Variants in POU6F2 observed in about 807,000 individuals in gnomAD.
POU6F2 encodes POU domain, class 6, transcription factor 2.
A neutral mutation model predicts 71.3 loss-of-function variants in POU6F2; 31 were observed. The ratio of observed to expected loss-of-function variants is 0.43; its 90% CI spans 0.33 to 0.59. The LOEUF is 0.59. POU6F2 is among the 20% of genes least tolerant of loss of function. The pLI, the probability that POU6F2 is intolerant of heterozygous loss-of-function variation, is 0.04. For synonymous variants in POU6F2, 347 were observed against 355.7 expected, an observed-to-expected ratio of 0.98 and a Z score of 0.27; for missense variants, 783 against 856.8, an observed-to-expected ratio of 0.91 and a Z score of 1.07.
At chr7:39,109,073 TCTCA>T (rs1791750916) in intron 2 of POU6F2, among the ~76,000 whole-genome samples, 2 of 152,180 alleles carry the variant, frequency 1.3e-5, no homozygotes, top group South Asian at 4.1e-4. Flanking sequence ...TGAAACAGGG[TCTCA>T]CTCTGTCACA....
intron 4 of POU6F2, among the ~76,000 whole-genome samples, chr7:39,255,684 G>A (rs1223122452): frequency 6.6e-6 from 1 of 152,336 alleles, no homozygotes; most frequent in African/African-American, 2.4e-5. Context: ...GTCATCATAA[G>A]CCGTCTAACT....
intron 4 of POU6F2, among the ~76,000 whole-genome samples, chr7:39,212,201 C>G (rs913914853): frequency 6.6e-6 from 1 of 152,164 alleles, no homozygotes; most frequent in East Asian, 1.9e-4. Flanking sequence ...TGGTATGGAA[C>G]ATGGACAAGC....
chr7:39,185,903 A>ATATATG lies in POU6F2; in HGVS notation c.278-18314_278-18309dup, dbSNP rs143001733. On this transcript the variant is annotated intron_variant, in intron 2 of 9. Coordinates refer to ENST00000518318, the MANE Select transcript of POU6F2 (RefSeq NM_001370959.1). ...TGTATATATTTATATGTATATGTAT[A>ATATATG]TATATGTATATGTATATGTATATTT... Among the ~76,000 whole-genome samples the ATATATG allele has an allele frequency of 8.6e-3, 1,280 of 149,280 alleles. 13 individuals carry two copies. The highest frequency in any genetic ancestry group is 0.03 in the African/African-American group (1,224 of 40,778).
intron 5 of POU6F2, among the ~76,000 whole-genome samples, chr7:39,353,662 A>G (rs1382339827): frequency 1.3e-5 from 2 of 152,316 alleles, no homozygotes; most frequent in East Asian, 1.9e-4. Flanking sequence ...TTTTGAGAGA[A>G]TGACTAAGCA....
At chr7:39,193,528 C>T (rs902750825) in intron 2 of POU6F2, among the ~76,000 whole-genome samples, 1 of 152,078 alleles carries the variant, frequency 6.6e-6, no homozygotes, top group Non-Finnish European at 1.5e-5. Flanking sequence ...CATTCAGATC[C>T]CAACTCTATC....
intron 1 of POU6F2, chr7:39,013,569 A>T (rs1789389712): frequency 6.6e-6 from 1 of 152,276 alleles, no homozygotes; most frequent in African/African-American, 2.4e-5. Flanking sequence ...GGTACTTTTT[A>T]AAAATGGGGT....
chr7:39,231,941 G>A (rs1003528769), intron 4 of POU6F2, among the ~76,000 whole-genome samples: 1 of 152,166 alleles, frequency 6.6e-6, no homozygotes, highest in Non-Finnish European at 1.5e-5. Flanking sequence ...TCTAATCCCA[G>A]AGCCCCTGTC....
chr7:39,296,998 C>T (rs970776149), intron 4 of POU6F2, among the ~76,000 whole-genome samples: 3 of 152,064 alleles, frequency 2.0e-5, no homozygotes, highest in Non-Finnish European at 2.9e-5. Flanking sequence ...ATGTACAGCC[C>T]GGAGAGCTTT....
At chr7:39,410,718 G>A (rs1400347223) in intron 6 of POU6F2, among the ~76,000 whole-genome samples, 1 of 152,108 alleles carries the variant, frequency 6.6e-6, no homozygotes, top group African/African-American at 2.4e-5. Context: ...GCCTACCACA[G>A]TGCCTGAGTA....
intron 5 of POU6F2, among the ~76,000 whole-genome samples, chr7:39,390,550 G>A (rs1787047347): frequency 6.6e-6 from 1 of 152,186 alleles, no homozygotes; most frequent in Non-Finnish European, 1.5e-5. Flanking sequence ...GCACCAAAAG[G>A]AATGTTTTCC....
chr7:39,270,529 T>A (rs977262997), intron 4 of POU6F2, among the ~76,000 whole-genome samples: 4 of 152,154 alleles, frequency 2.6e-5, no homozygotes, highest in African/African-American at 9.7e-5. Flanking sequence ...CTATTTTTAG[T>A]CTCTTCGCTT....
At chr7:39,411,973 A>G (rs940641217) in intron 6 of POU6F2, among the ~76,000 whole-genome samples, 1 of 152,226 alleles carries the variant, frequency 6.6e-6, no homozygotes, top group Non-Finnish European at 1.5e-5. Flanking sequence ...TTGAAGCAAC[A>G]TGACGTTCAG....
At chr7:39,276,226 C>G (rs1004621522) in intron 4 of POU6F2, among the ~76,000 whole-genome samples, 1 of 151,700 alleles carries the variant, frequency 6.6e-6, no homozygotes, top group African/African-American at 2.4e-5. Flanking sequence ...ACAACCCCAT[C>G]AAAAAGTGGG....
chr7:39,399,786 G>C (rs1787255637), intron 5 of POU6F2, among the ~76,000 whole-genome samples: 1 of 151,624 alleles, frequency 6.6e-6, no homozygotes, highest in African/African-American at 2.4e-5. Context: ...AGAGTTCGAG[G>C]CCACAGTGAA....
chr7:39,264,756 T>G (rs1325361251), intron 4 of POU6F2, among the ~76,000 whole-genome samples: 3 of 152,144 alleles, frequency 2.0e-5, no homozygotes, highest in Non-Finnish European at 4.4e-5. Flanking sequence ...TATGTGCAAA[T>G]ATGCATAATA....
At chr7:39,037,858 G>A (rs1458053462) in intron 1 of POU6F2, among the ~76,000 whole-genome samples, 1 of 151,958 alleles carries the variant, frequency 6.6e-6, no homozygotes, top group Non-Finnish European at 1.5e-5. Flanking sequence ...TTTTCTGAAG[G>A]CCAAGGGTCA....
chr7:39,168,089 A>G (rs1220507840), intron 2 of POU6F2, among the ~76,000 whole-genome samples: 3 of 152,230 alleles, frequency 2.0e-5, no homozygotes, highest in Admixed American at 1.3e-4. Context: ...CACAGAAAAC[A>G]TATCTACAAT....
intron 6 of POU6F2, among the ~76,000 whole-genome samples, chr7:39,418,945 ATGTATATATGTATATATATG>A (rs1168616991): frequency 2.3e-4 from 19 of 83,172 alleles, no homozygotes; most frequent in South Asian, 1.2e-3. Context: ...ATGTGTATAT[ATGTATATATGTATATATATG>A]TGTATATATG....
At chr7:39,393,428 G>A (rs1001180641) in intron 5 of POU6F2, among the ~76,000 whole-genome samples, 1 of 152,088 alleles carries the variant, frequency 6.6e-6, no homozygotes, top group African/African-American at 2.4e-5. Context: ...GGACCCCCTG[G>A]GCTCTTTACA....
Sources: gnomAD v4.1 joint callset for allele counts (sites outside exome capture counted in the v4.1 genomes callset) on GRCh38, gnomAD v4.1.1 for gene constraint, MANE v1.5 for transcripts, NCBI Gene and HGNC (gene_info 2026-07-23, HGNC 2026-07-21) for gene names.